Variants in CAST observed in about 807,000 individuals in gnomAD.
CAST encodes the protein calpastatin.
In CAST, 76 loss-of-function variants were observed where a neutral mutation model predicts 119.6. The observed-to-expected ratio is 0.64, with a 90% CI of 0.53 to 0.77. The LOEUF (loss-of-function observed/expected upper bound fraction) is 0.77. Among genes scored for constraint, CAST ranks in the 30% least tolerant of loss-of-function variants. The pLI, the probability that CAST is intolerant of heterozygous loss-of-function variation, is 0.00. For synonymous variants in CAST, 319 were observed against 331.6 expected (o/e 0.96, Z 0.41); for missense variants, 953 against 946.5 (o/e 1.01, Z -0.09).
chr5:95,971,589 G>A, the CAST span, among the ~76,000 whole-genome samples: 1 of 152,118 alleles, frequency 6.6e-6, no homozygotes, highest in African/African-American at 2.4e-5. Flanking sequence ...AAAATACATT[G>A]TCCCTTTGTA....
chr5:96,432,207 G>A, the CAST span: 47 of 1,321,256 alleles, frequency 3.6e-5, no homozygotes, highest in South Asian at 5.3e-4. Flanking sequence ...GTGAAAAGCC[G>A]GAGCTCCCTA....
At chr5:96,383,060 A>G in the CAST span, among the ~76,000 whole-genome samples, 2 of 152,334 alleles carry the variant, frequency 1.3e-5, no homozygotes, top group African/African-American at 4.8e-5. Flanking sequence ...AGAGGAGCTT[A>G]CATTCCGTTC....
chr5:95,968,043 G>A, the CAST span, among the ~76,000 whole-genome samples: 1 of 152,070 alleles, frequency 6.6e-6, no homozygotes, highest in Non-Finnish European at 1.5e-5. Context: ...TCCAAATCTC[G>A]CATATCTACC....
At chr5:96,496,099 C>A in the CAST span, among the ~76,000 whole-genome samples, 1 of 152,044 alleles carries the variant, frequency 6.6e-6, no homozygotes, top group African/African-American at 2.4e-5. Context: ...TGGCTGTAAT[C>A]TTATGTCTAT....
the CAST span, among the ~76,000 whole-genome samples, chr5:96,185,204 T>C: frequency 2.0e-5 from 3 of 152,248 alleles, no homozygotes; most frequent in Admixed American, 6.5e-5. Flanking sequence ...TGTTTGTTTT[T>C]TTCTTGTAAA....
chr5:96,067,336 A>C, the CAST span, among the ~76,000 whole-genome samples: 1 of 152,168 alleles, frequency 6.6e-6, no homozygotes, highest in Admixed American at 6.6e-5. Context: ...TCTTCCAGTA[A>C]ATACATGTTT....
intron 1 of CAST, among the ~76,000 whole-genome samples, chr5:96,604,066 C>T (rs781489599): frequency 5.9e-5 from 9 of 152,142 alleles, no homozygotes. Flanking sequence ...CACCTGGCCC[C>T]TTGTGCTATA....
chr5:96,673,263 G>A (rs1750330923), intron 1 of CAST, among the ~76,000 whole-genome samples: 1 of 152,170 alleles, frequency 6.6e-6, no homozygotes, highest in Non-Finnish European at 1.5e-5. Flanking sequence ...TGTCTTTCTA[G>A]AATGATTTTT....
chr5:96,433,220 A>C, the CAST span: 1 of 652,382 alleles, frequency 1.5e-6, no homozygotes, highest in African/African-American at 1.8e-5. Context: ...GCGAGCGCTC[A>C]GTGAAGCGCT....
chr5:96,051,246 G>A, the CAST span, among the ~76,000 whole-genome samples: 35 of 152,126 alleles, frequency 2.3e-4, no homozygotes, highest in Non-Finnish European at 1.2e-4. Context: ...AAATCAAGAA[G>A]TCTCTCTGCA....
upstream of CAST, among the ~76,000 whole-genome samples, chr5:96,659,215 C>A (rs1396577030): frequency 6.6e-6 from 1 of 152,160 alleles, no homozygotes; most frequent in Non-Finnish European, 1.5e-5. Flanking sequence ...GCAAGAATTA[C>A]CAAAATGTGG....
intron 1 of CAST, among the ~76,000 whole-genome samples, chr5:96,626,772 A>G (rs543867743): frequency 8.7e-4 from 132 of 152,340 alleles, no homozygotes; most frequent in African/African-American, 3.0e-3. Flanking sequence ...TAAACAAAGC[A>G]GAAACTATGT....
At chr5:96,534,712 A>AGG (rs1353276857) in intron 1 of CAST, among the ~76,000 whole-genome samples, 1 of 47,202 alleles carries the variant, frequency 2.1e-5, no homozygotes, top group Non-Finnish European at 4.3e-5. Flanking sequence ...GGAAGGAAGG[A>AGG]AGGAGAGAGA....
At chr5:96,677,053 GAAAAGA>G (rs1750803792) in intron 2 of CAST, among the ~76,000 whole-genome samples, 1 of 150,344 alleles carries the variant, frequency 6.7e-6, no homozygotes, top group South Asian at 2.1e-4. Flanking sequence ...AAAAAGAAAA[GAAAAGA>G]AAAGAAAATC....
intron 1 of CAST, among the ~76,000 whole-genome samples, chr5:96,643,340 A>T (rs1265128815): frequency 6.6e-6 from 1 of 152,242 alleles, no homozygotes; most frequent in Non-Finnish European, 1.5e-5. Context: ...TTCCATTTAT[A>T]TGAAATATTC....
At chr5:96,027,363 T>G in the CAST span, among the ~76,000 whole-genome samples, 5 of 152,180 alleles carry the variant, frequency 3.3e-5, no homozygotes, top group African/African-American at 1.2e-4. Flanking sequence ...TCAGCATTAT[T>G]AATTTTGCTT....
chr5:96,499,178 A>G, the CAST span, among the ~76,000 whole-genome samples: 1 of 152,224 alleles, frequency 6.6e-6, no homozygotes, highest in Non-Finnish European at 1.5e-5. Flanking sequence ...ACCTTTTTTA[A>G]CGAGTTCCCT....
At chr5:95,972,033 C>T in the CAST span, among the ~76,000 whole-genome samples, 289 of 150,812 alleles carry the variant, frequency 1.9e-3, no homozygotes, top group Non-Finnish European at 3.2e-3. Flanking sequence ...AGTCATAGCT[C>T]ACTGCAGCCT....
chr5:96,647,658 A>C (rs1260374334), intron 1 of CAST, among the ~76,000 whole-genome samples: 1 of 152,134 alleles, frequency 6.6e-6, no homozygotes, highest in African/African-American at 2.4e-5. Context: ...TTAAAAATAC[A>C]TAATAAATAA....
Sources: gnomAD v4.1 joint callset for allele counts (sites outside exome capture counted in the v4.1 genomes callset) on GRCh38, gnomAD v4.1.1 for gene constraint, MANE v1.5 for transcripts, NCBI Gene and HGNC (gene_info 2026-07-23, HGNC 2026-07-21) for gene names.